Variants in THADA observed in about 807,000 individuals in gnomAD.
THADA encodes the protein THADA armadillo repeat containing.
THADA carries 213 observed loss-of-function variants against 219.8 expected under a neutral mutation model. The ratio of observed to expected loss-of-function variants is 0.97; its 90% confidence interval spans 0.87 to 1.09. THADA has a LOEUF of 1.09. Among genes scored for constraint, THADA ranks in the 50% least tolerant of loss-of-function variants. The pLI is 0.00. For synonymous variants in THADA, 1,018 were observed against 828.9 expected, an observed-to-expected ratio of 1.23 and a Z score of -3.92; for missense variants, 2,956 against 2,311.3, an observed-to-expected ratio of 1.28 and a Z score of -5.72.
In THADA at chr2:43,513,300, T is replaced by C. The variant is rs1690732539; in HGVS notation, c.3375-4520A>G. 2.0e-5 allele frequency among the ~76,000 whole-genome samples: 3 copies of C among 152,334 alleles called. No homozygotes were observed. The South Asian group carries it at 6.2e-4, about 32-fold the overall frequency. On this transcript the variant is annotated intron_variant, in intron 22 of 37. Coordinates refer to ENST00000405975, the MANE Select transcript of THADA (RefSeq NM_022065.5). ...GACATCCCCCTACAATGCAAGTTAA[T>C]GTTAACAATATGCAAAATATACAAA...
Position 43,253,301 on chromosome 2 carries a change from G to A in THADA, c.5297-20419C>T, listed in dbSNP as rs1204269997. Among the ~76,000 whole-genome samples, 3 of 152,132 alleles carry A rather than the reference G, an allele frequency of 2.0e-5. No homozygotes were observed. The East Asian group carries it at 5.8e-4, about 29-fold the overall frequency. On this transcript the variant is annotated intron_variant, in intron 36 of 37. Coordinates refer to ENST00000405975, the MANE Select transcript of THADA (RefSeq NM_022065.5). ...GTGCTGTGTGAAGGATGTGTGCAGG[G>A]GAAAGAGCACCTTTTTTGCTGAGTT...
chr2:43,276,503 G>C (rs1672740732), intron 36 of THADA, among the ~76,000 whole-genome samples: 1 of 152,148 alleles, frequency 6.6e-6, no homozygotes, highest in East Asian at 1.9e-4. Flanking sequence ...TTATGCAAAA[G>C]GATATGTTAG....
At chr2:43,487,062 C>T (rs1489590990) in intron 25 of THADA, among the ~76,000 whole-genome samples, 1 of 152,150 alleles carries the variant, frequency 6.6e-6, no homozygotes, top group Non-Finnish European at 1.5e-5. Flanking sequence ...CATTCAACAG[C>T]CATCAAACAT....
At chr2:43,332,894 G>C (rs1015232071) in intron 30 of THADA, among the ~76,000 whole-genome samples, 4 of 152,200 alleles carry the variant, frequency 2.6e-5, no homozygotes, top group Admixed American at 2.0e-4. Context: ...CTTGGTGTGT[G>C]TGCAGTTGCG....
At chr2:43,518,955 C>T (rs79271345) in intron 22 of THADA, among the ~76,000 whole-genome samples, 16,451 of 151,978 alleles carry the variant, frequency 0.11, 990 homozygotes, top group African/African-American at 0.15. Flanking sequence ...TCTGCTATCC[C>T]GCTAGGCAGC....
At chr2:43,523,667 C>T (rs950442648) in intron 22 of THADA, among the ~76,000 whole-genome samples, 5 of 152,072 alleles carry the variant, frequency 3.3e-5, no homozygotes, top group Admixed American at 6.6e-5. Flanking sequence ...TTGTTGATGT[C>T]TATGAGTCAG....
intron 36 of THADA, among the ~76,000 whole-genome samples, chr2:43,274,644 T>C (rs1248601031): frequency 1.3e-5 from 2 of 152,070 alleles, no homozygotes; most frequent in Non-Finnish European, 2.9e-5. Flanking sequence ...GTCGAGAAGA[T>C]GGGATTTAAT....
At chr2:43,485,878 A>G (rs991884118) in intron 25 of THADA, among the ~76,000 whole-genome samples, 8 of 151,826 alleles carry the variant, frequency 5.3e-5, no homozygotes, top group African/African-American at 1.9e-4. Context: ...AAAAAAAAAA[A>G]GTATTTTTTT....
intron 26 of THADA, among the ~76,000 whole-genome samples, chr2:43,464,203 C>T (rs1339497445): frequency 6.6e-6 from 1 of 152,104 alleles, no homozygotes; most frequent in Non-Finnish European, 1.5e-5. Context: ...GCCTATGTTT[C>T]TCCAACTTGA....
intron 20 of THADA, among the ~76,000 whole-genome samples, chr2:43,544,067 T>A (rs1695687727): frequency 6.6e-6 from 1 of 152,196 alleles, no homozygotes; most frequent in Non-Finnish European, 1.5e-5. Flanking sequence ...AAGGAAGGGA[T>A]CCAGTTTCAG....
intron 30 of THADA, among the ~76,000 whole-genome samples, chr2:43,336,861 G>A: frequency 6.6e-6 from 1 of 152,300 alleles, no homozygotes; most frequent in African/African-American, 2.4e-5. Flanking sequence ...GTAACCTAAT[G>A]AGAGACGCGG....
chr2:43,281,989 C>T (rs1673417660), intron 35 of THADA, among the ~76,000 whole-genome samples: 1 of 152,040 alleles, frequency 6.6e-6, no homozygotes, highest in East Asian at 1.9e-4. Flanking sequence ...AAGCTGGTCT[C>T]GAACTCCTGG....
intron 14 of THADA, among the ~76,000 whole-genome samples, chr2:43,568,806 G>A (rs1698966197): frequency 6.6e-6 from 1 of 152,084 alleles, no homozygotes; most frequent in African/African-American, 2.4e-5. Flanking sequence ...ACTTTGGGAG[G>A]TGGAGTGGGG....
chr2:43,536,750 T>G (rs745391647), intron 21 of THADA, among the ~76,000 whole-genome samples: 1 of 152,134 alleles, frequency 6.6e-6, no homozygotes, highest in Non-Finnish European at 1.5e-5. Context: ...CTACCCTTTA[T>G]CTAGAGAAGG....
intron 30 of THADA, among the ~76,000 whole-genome samples, chr2:43,322,937 C>T (rs1053036019): frequency 2.0e-5 from 3 of 151,996 alleles, no homozygotes; most frequent in African/African-American, 4.8e-5. Flanking sequence ...CCACCTGCCT[C>T]GGCCTCCCAA....
chr2:43,497,565 C>A (rs1407860761), intron 25 of THADA, among the ~76,000 whole-genome samples: 1 of 152,070 alleles, frequency 6.6e-6, no homozygotes. Context: ...AACATCAGGA[C>A]AAATAGCTAA....
chr2:43,462,270 C>G (rs1051827360), intron 26 of THADA, among the ~76,000 whole-genome samples: 10 of 152,136 alleles, frequency 6.6e-5, no homozygotes, highest in Non-Finnish European at 1.5e-4. Flanking sequence ...CACAGAAACT[C>G]TAAGATTCCT....
chr2:43,510,977 A>C (rs1353260518), intron 22 of THADA, among the ~76,000 whole-genome samples: 1 of 150,110 alleles, frequency 6.7e-6, no homozygotes, highest in Non-Finnish European at 1.5e-5. Context: ...TCTCAAAAAA[A>C]ACTAAAAAAA....
chr2:43,326,088 T>C (rs1174076518), intron 30 of THADA, among the ~76,000 whole-genome samples: 1 of 151,790 alleles, frequency 6.6e-6, no homozygotes, highest in East Asian at 1.9e-4. Flanking sequence ...TGATTTCATG[T>C]GTGTGTGCAC....
Sources: allele counts gnomAD v4.1 joint callset (sites outside exome capture counted in the v4.1 genomes callset), GRCh38; gene constraint gnomAD v4.1.1; transcripts MANE v1.5; gene names NCBI Gene and HGNC (gene_info 2026-07-23, HGNC 2026-07-21).